The following DPYSL2 variants were observed in gnomAD, a reference collection of about 807,000 sequenced individuals.
DPYSL2 encodes the protein dihydropyrimidinase like 2.
A neutral mutation model predicts 69.9 loss-of-function variants in DPYSL2; 13 were observed. The observed-to-expected ratio is 0.19, with a 90% CI of 0.12 to 0.30. DPYSL2 has a LOEUF of 0.30. Among genes scored for constraint, DPYSL2 ranks in the 10% least tolerant of loss-of-function variants. The probability of loss-of-function intolerance (pLI) is 1.00; values close to 1 mark genes in which losing one functional copy is unlikely to be tolerated. For missense variants in DPYSL2, 587 were observed against 918.9 expected, an observed-to-expected ratio of 0.64 and a Z score of 4.67; for synonymous variants, 326 against 359.1, an observed-to-expected ratio of 0.91 and a Z score of 1.04.
chr8:26,631,083 T>A (rs1418921134), intron 7 of DPYSL2, among the ~76,000 whole-genome samples: 2 of 152,240 alleles, frequency 1.3e-5, no homozygotes, highest in East Asian at 1.9e-4. Flanking sequence ...TTCTTTCTCC[T>A]GCTTTCTGCA....
rs1172805249 is a variant in DPYSL2, at chr8:26,647,490, A to G, written c.1426-140A>G. The G allele has an allele frequency of 2.3e-6, 2 of 859,176 alleles. No individual in the cohort carries two copies. The highest frequency in any genetic ancestry group is 3.6e-6 in the Non-Finnish European group (2 of 552,022). The allele number at this position is 859,176 out of a possible 1,614,324, so 53.2% of individuals were successfully genotyped here. A position where few individuals can be genotyped will look rare whatever the true frequency, so the allele number is the denominator to read the frequency against. On this transcript the variant is annotated intron_variant, in intron 10 of 13. Transcript: ENST00000521913. The surrounding 1 kb of genome is among the most constrained non-coding windows in gnomAD (Gnocchi z 5.1). ...AGTCATACAGTGTGTGACCTTTGAGACGGTTTGTGTTTCACTTGGCACAAC... is the reference window on the plus strand; with the variant it reads ...AGTCATACAGTGTGTGACCTTTGAGGCGGTTTGTGTTTCACTTGGCACAAC...
rs1801081258 is a variant in DPYSL2 at position 26,562,112 on chromosome 8, G to A, written c.355-19857G>A. 6.6e-6 allele frequency among the ~76,000 whole-genome samples: 1 copy of A among 152,144 alleles called. No homozygotes were observed. On this transcript the variant is annotated intron_variant, in intron 1 of 13. Transcript: ENST00000521913. The surrounding 1 kb of genome is among the most constrained non-coding windows in gnomAD (Gnocchi z 4.9). ...TACTTACTCCACATCCAATCTATTAGTGACTTTTATTGGCAGCAGAAACAA... is the reference window on the plus strand; with the variant it reads ...TACTTACTCCACATCCAATCTATTAATGACTTTTATTGGCAGCAGAAACAA...
At chr8:26,550,295 G>A (rs1409554325) in intron 1 of DPYSL2, among the ~76,000 whole-genome samples, 1 of 152,124 alleles carries the variant, frequency 6.6e-6, no homozygotes, top group African/African-American at 2.4e-5. Flanking sequence ...GGACATAATT[G>A]ATTTTTTGAG....
rs535874403 is a variant in DPYSL2 at position 26,620,992 on chromosome 8, C to G, written c.629-3151C>G. Among the ~76,000 whole-genome samples, 12 of 152,314 alleles carry G rather than the reference C, an allele frequency of 7.9e-5. No homozygotes were observed. Among genetic ancestry groups the G allele is most frequent in the African/African-American group, 2.4e-4 (10 of 41,564 alleles). On this transcript the variant is annotated intron_variant, in intron 3 of 13. Coordinates refer to ENST00000521913, the MANE Select transcript of DPYSL2 (RefSeq NM_001197293.3). The surrounding 1 kb of genome is among the most constrained non-coding windows in gnomAD (Gnocchi z 4.5). ...ATAAATACACACGTACATACATACA[C>G]ATACATACATGCCTCTTTCCTGATT...
chr8:26,615,987 A>G (rs1409132083), intron 3 of DPYSL2, among the ~76,000 whole-genome samples: 1 of 152,216 alleles, frequency 6.6e-6, no homozygotes, highest in East Asian at 1.9e-4. Flanking sequence ...GTGTTTATCA[A>G]ACCACATCTA....
At chr8:26,634,953 G>A in intron 8 of DPYSL2, 53 bp downstream of exon 8, 2 of 1,607,794 alleles carry the variant, frequency 1.2e-6, no homozygotes, top group Non-Finnish European at 8.5e-7. Flanking sequence ...TTGGAGGGGA[G>A]GGGGGCTCCT....
intron 3 of DPYSL2, among the ~76,000 whole-genome samples, chr8:26,604,075 T>C (rs181377937): frequency 2.0e-4 from 31 of 152,326 alleles, no homozygotes; most frequent in Admixed American, 6.5e-4. Context: ...AGGGTTACTG[T>C]GCAGCTTAAA....
chr8:26,592,271 C>T (rs755868926), intron 3 of DPYSL2, among the ~76,000 whole-genome samples: 7 of 152,124 alleles, frequency 4.6e-5, no homozygotes, highest in African/African-American at 7.2e-5. Context: ...AAACAATCCT[C>T]TTGTCCCAGT....
At chr8:26,578,790 G>A (rs1801420006) in intron 1 of DPYSL2, among the ~76,000 whole-genome samples, 7 of 152,182 alleles carry the variant, frequency 4.6e-5, no homozygotes, top group Admixed American at 4.6e-4. Flanking sequence ...AAAAGGAGCG[G>A]GTTTGAGCCC....
chr8:26,563,793 T>C (rs1801109444), intron 1 of DPYSL2, among the ~76,000 whole-genome samples: 1 of 152,236 alleles, frequency 6.6e-6, no homozygotes, highest in Admixed American at 6.5e-5. Flanking sequence ...TGTAGGTTTT[T>C]TTACTATCAT....
intron 3 of DPYSL2, among the ~76,000 whole-genome samples, chr8:26,592,476 GTT>G (rs11357827): frequency 0.06 from 7,980 of 132,788 alleles, 213 homozygotes; most frequent in South Asian, 0.13. Context: ...TTTTTTTTTT[GTT>G]TTTTTTTTTT....
intron 1 of DPYSL2, among the ~76,000 whole-genome samples, chr8:26,567,280 C>CCCATCCATCCATCCATCCATCCAT (rs143811544): frequency 0.013 from 1,909 of 149,272 alleles, 22 homozygotes; most frequent in Non-Finnish European, 0.02. Flanking sequence ...TATCCACCTA[C>CCCATCCATCCATCCATCCATCCAT]CCATCCATCC....
intron 1 of DPYSL2, among the ~76,000 whole-genome samples, chr8:26,577,560 G>A (rs1294608261): frequency 2.7e-5 from 4 of 149,250 alleles, no homozygotes; most frequent in South Asian, 2.1e-4. Context: ...GGCGCGCGCA[G>A]GCGAGTGCGT....
intron 1 of DPYSL2, among the ~76,000 whole-genome samples, chr8:26,524,835 A>AAAAAAAAAAAAAAAAAAAAAAAG (rs1563374151): frequency 1.3e-5 from 1 of 74,184 alleles, no homozygotes; most frequent in East Asian, 4.4e-4. Flanking sequence ...AAAAAAAAAA[A>AAAAAAAAAAAAAAAAAAAAAAAG]AGAGAGAGAA....
chr8:26,534,448 C>T (rs941533637), intron 1 of DPYSL2, among the ~76,000 whole-genome samples: 2 of 152,058 alleles, frequency 1.3e-5, no homozygotes, highest in African/African-American at 2.4e-5. Context: ...CATAAGCCAC[C>T]ATGCCCTGCC....
chr8:26,578,531 T>G, intron 1 of DPYSL2: 21 of 1,411,610 alleles, frequency 1.5e-5, no homozygotes, highest in Non-Finnish European at 1.9e-5. Context: ...AAGGTAGCCT[T>G]AGGTAACGCG....
In DPYSL2 at chr8:26,657,174, A is replaced by G. The variant is rs1409240253; in HGVS notation, c.*1468A>G. ...TCTATTCTACTTTGCAAGAGGAGAA[A>G]TGTGTTTTATGAACGATAGATCACA... is the stretch of plus-strand genomic sequence containing the variant. On this transcript the variant is annotated 3_prime_UTR_variant, in exon 14 of 14. Transcript: ENST00000521913. The G allele has an allele frequency of 6.6e-6, 1 of 152,502 alleles. No homozygotes were observed. The highest frequency in any genetic ancestry group is 6.5e-5 in the Admixed American group (1 of 15,282). The allele number at this position is 152,502 out of a possible 1,614,324, so 9.4% of individuals were successfully genotyped here. A position where few individuals can be genotyped will look rare whatever the true frequency, so the allele number is the denominator to read the frequency against.
intron 1 of DPYSL2, among the ~76,000 whole-genome samples, chr8:26,541,523 G>A (rs1222626085): frequency 6.6e-6 from 1 of 152,056 alleles, no homozygotes; most frequent in Admixed American, 6.6e-5. Flanking sequence ...AATCACACAG[G>A]GAAAGGTAAA....
intron 3 of DPYSL2, among the ~76,000 whole-genome samples, chr8:26,606,726 A>C (rs1802114337): frequency 6.6e-6 from 1 of 152,220 alleles, no homozygotes; most frequent in Admixed American, 6.5e-5. Flanking sequence ...AAAAGGGGTT[A>C]AGTAAGCTGA....
Sources: allele counts gnomAD v4.1 joint callset (sites outside exome capture counted in the v4.1 genomes callset), GRCh38; gene constraint gnomAD v4.1.1; non-coding constraint Gnocchi (gnomAD v3.1); transcripts MANE v1.5; gene names NCBI Gene and HGNC (gene_info 2026-07-23, HGNC 2026-07-21).